TAS2R1: variants seen among roughly 807,000 people sequenced by gnomAD.
The protein encoded by TAS2R1 is taste receptor type 2 member 1.
For synonymous variants in TAS2R1, 141 were observed against 134.2 expected (o/e 1.05, Z -0.35); for missense variants, 370 against 353.4 (o/e 1.05, Z -0.38).
chr5:9,765,875 C>T, the TAS2R1 span, among the ~76,000 whole-genome samples: 3 of 152,134 alleles, frequency 2.0e-5, no homozygotes, highest in East Asian at 3.8e-4. Context: ...CTAGATTACC[C>T]GAAGACAAAA....
At chr5:9,794,956 CTG>C in the TAS2R1 span, among the ~76,000 whole-genome samples, 1 of 152,146 alleles carries the variant, frequency 6.6e-6, no homozygotes, top group Admixed American at 6.5e-5. Flanking sequence ...CAAAGAATAA[CTG>C]TACATATTCA....
the TAS2R1 span, among the ~76,000 whole-genome samples, chr5:9,816,795 C>G: frequency 6.6e-6 from 1 of 152,050 alleles, no homozygotes; most frequent in Non-Finnish European, 1.5e-5. Flanking sequence ...TATAACTGAT[C>G]ATTTATACAC....
intron 2 of TAS2R1, among the ~76,000 whole-genome samples, chr5:9,648,691 G>A (rs1425487197): frequency 1.3e-5 from 2 of 151,812 alleles, no homozygotes; most frequent in Admixed American, 6.6e-5. Context: ...TTTTTTCGGG[G>A]GTGGGGGGTA....
At chr5:9,859,134 C>T in the TAS2R1 span, among the ~76,000 whole-genome samples, 42 of 152,304 alleles carry the variant, frequency 2.8e-4, no homozygotes, top group African/African-American at 9.9e-4. Context: ...TGCTGCCTAT[C>T]AGAAACAATT....
At chr5:9,806,356 T>C in the TAS2R1 span, among the ~76,000 whole-genome samples, 5 of 152,044 alleles carry the variant, frequency 3.3e-5, no homozygotes, top group African/African-American at 4.8e-5. Context: ...GCAATTTCCA[T>C]CAAAATATCA....
chr5:9,809,187 T>G, the TAS2R1 span, among the ~76,000 whole-genome samples: 2 of 152,186 alleles, frequency 1.3e-5, no homozygotes, highest in African/African-American at 4.8e-5. Context: ...CTCTTTAGAC[T>G]AGACTTCAGA....
chr5:9,674,325 A>C (rs1740827970), intron 1 of TAS2R1, among the ~76,000 whole-genome samples: 1 of 152,230 alleles, frequency 6.6e-6, no homozygotes, highest in Non-Finnish European at 1.5e-5. Context: ...TATGATAAAC[A>C]ATAGTATATC....
At chr5:9,841,141 G>T in the TAS2R1 span, among the ~76,000 whole-genome samples, 1 of 152,082 alleles carries the variant, frequency 6.6e-6, no homozygotes, top group African/African-American at 2.4e-5. Context: ...TACCTTGAGA[G>T]CATGTGTCCT....
chr5:9,634,083 A>G (rs2126476624), upstream of TAS2R1, among the ~76,000 whole-genome samples: 1 of 152,160 alleles, frequency 6.6e-6, no homozygotes, highest in South Asian at 2.1e-4. Flanking sequence ...TAGGTGTTAT[A>G]TTTAGGTCTT....
the TAS2R1 span, among the ~76,000 whole-genome samples, chr5:9,784,297 A>G: frequency 1.3e-5 from 2 of 152,190 alleles, no homozygotes; most frequent in African/African-American, 4.8e-5. Context: ...CTGTCCACAG[A>G]GGACACTACT....
chr5:9,853,316 G>A, the TAS2R1 span, among the ~76,000 whole-genome samples: 1 of 152,238 alleles, frequency 6.6e-6, no homozygotes, highest in East Asian at 1.9e-4. Flanking sequence ...GCTGTGTCAA[G>A]AGCAGCAGCT....
the TAS2R1 span, among the ~76,000 whole-genome samples, chr5:9,737,437 T>C: frequency 2.6e-5 from 4 of 152,204 alleles, no homozygotes; most frequent in Middle Eastern, 3.2e-3. Context: ...ATAAAATCTT[T>C]GTGTCAGGTG....
chr5:9,868,411 G>T, the TAS2R1 span, among the ~76,000 whole-genome samples: 2 of 152,196 alleles, frequency 1.3e-5, no homozygotes, highest in South Asian at 4.1e-4. Context: ...TTAAGGCTTG[G>T]GTCTGGAACT....
the TAS2R1 span, among the ~76,000 whole-genome samples, chr5:9,797,334 T>C: frequency 5.3e-5 from 8 of 152,280 alleles, no homozygotes; most frequent in South Asian, 4.1e-4. Context: ...GAATTCAATG[T>C]CAATGTCAGT....
the TAS2R1 span, among the ~76,000 whole-genome samples, chr5:9,742,904 A>C: frequency 6.6e-6 from 1 of 152,224 alleles, no homozygotes; most frequent in Non-Finnish European, 1.5e-5. Context: ...TGAACCAAAA[A>C]AAAAGACATC....
At chr5:9,633,301 TATATATATATA>T (rs1561364951), upstream of TAS2R1, among the ~76,000 whole-genome samples, 985 of 115,126 alleles carry the variant, frequency 8.6e-3, 55 homozygotes, top group African/African-American at 0.038. Context: ...ATATTATATA[TATATATATATA>T]TATATATACA....
the TAS2R1 span, among the ~76,000 whole-genome samples, chr5:9,746,269 G>C: frequency 6.6e-6 from 1 of 152,164 alleles, no homozygotes; most frequent in Non-Finnish European, 1.5e-5. Flanking sequence ...GGAAACAACA[G>C]GTGCTGGAGA....
chr5:9,789,011 T>C, the TAS2R1 span, among the ~76,000 whole-genome samples: 1 of 152,198 alleles, frequency 6.6e-6, no homozygotes, highest in African/African-American at 2.4e-5. Flanking sequence ...GTTTGTATCA[T>C]GGTTTCACAA....
rs533422990 is a variant in TAS2R1 at position 9,702,523 on chromosome 5, AG to A, written c.-242+9648del. Among the ~76,000 whole-genome samples the A allele has an allele frequency of 2.9e-3, 434 of 152,278 alleles. 10 individuals are homozygous for A. The highest frequency in any genetic ancestry group is 5.3e-4 in the Non-Finnish European group (36 of 68,026). On this transcript the variant is annotated intron_variant, in intron 1 of 2. Coordinates refer to the TAS2R1 transcript ENST00000506620. Reference sequence around the variant, plus strand: ...TGTAGATCCTTGAAAATAAAAAGAAAGTCATAGATAAAGACTGGAAATGATT... The same window carrying A: ...TGTAGATCCTTGAAAATAAAAAGAAATCATAGATAAAGACTGGAAATGATT...
Sources: allele counts gnomAD v4.1 joint callset (sites outside exome capture counted in the v4.1 genomes callset), GRCh38; gene constraint gnomAD v4.1.1; transcripts MANE v1.5; gene names NCBI Gene and HGNC (gene_info 2026-07-23, HGNC 2026-07-21).